The following PTBP3 variants were observed in gnomAD, a reference collection of about 807,000 sequenced individuals.
PTBP3 encodes the protein polypyrimidine tract binding protein 3, also known as polypyrimidine tract-binding protein 3.
A neutral mutation model predicts 58.7 loss-of-function variants in PTBP3; 20 were observed. The observed-to-expected ratio is 0.34, with a 90% CI of 0.24 to 0.50. The LOEUF (loss-of-function observed/expected upper bound fraction) is 0.50. Among genes scored for constraint, PTBP3 ranks in the 20% least tolerant of loss-of-function variants. PTBP3 has a pLI of 0.98. For missense variants in PTBP3, 509 were observed against 637.2 expected (o/e 0.80, Z 2.17); for synonymous variants, 185 against 219.8 (o/e 0.84, Z 1.40).
At chr9:112,347,341 C>CAT in the PTBP3 span, among the ~76,000 whole-genome samples, 2 of 130,902 alleles carry the variant, frequency 1.5e-5, no homozygotes, top group African/African-American at 6.0e-5. Flanking sequence ...ACTGGGATAC[C>CAT]TTTTTTTTTT....
the PTBP3 span, among the ~76,000 whole-genome samples, chr9:112,340,149 T>A: frequency 4.6e-5 from 7 of 152,020 alleles, no homozygotes; most frequent in Non-Finnish European, 8.8e-5. Context: ...TGCTGGTGTG[T>A]TCTTAGCAAC....
At chr9:112,254,807 T>C (rs916357450) in intron 5 of PTBP3, among the ~76,000 whole-genome samples, 1 of 152,190 alleles carries the variant, frequency 6.6e-6, no homozygotes, top group Non-Finnish European at 1.5e-5. Context: ...GGAAAAAGTA[T>C]GACCTTTCCT....
At chr9:112,313,451 T>A (rs571686935) in intron 1 of PTBP3, among the ~76,000 whole-genome samples, 1 of 152,242 alleles carries the variant, frequency 6.6e-6, no homozygotes, top group Non-Finnish European at 1.5e-5. Flanking sequence ...CATGCCTGGA[T>A]AACTAATTAC....
At chr9:112,312,312 G>A (rs1192598647) in intron 1 of PTBP3, among the ~76,000 whole-genome samples, 1 of 151,864 alleles carries the variant, frequency 6.6e-6, no homozygotes, top group Non-Finnish European at 1.5e-5. Context: ...GTGAGACCCT[G>A]TATCTACAAA....
intron 5 of PTBP3, 114 bp downstream of exon 5, chr9:112,262,317 ATTAT>A: frequency 8.1e-6 from 7 of 868,260 alleles, no homozygotes; most frequent in Non-Finnish European, 1.1e-5. Context: ...AGTTTTTTTC[ATTAT>A]TTAAACAAAT....
intron 7 of PTBP3, 118 bp downstream of exon 7, chr9:112,250,811 T>G (rs1589823234): frequency 9.7e-7 from 1 of 1,032,274 alleles, no homozygotes; most frequent in East Asian, 2.8e-5. Flanking sequence ...ATTCTTGCTT[T>G]CCTTTATAAA....
At chr9:112,283,398 A>G (rs1250080235) in intron 2 of PTBP3, among the ~76,000 whole-genome samples, 3 of 152,202 alleles carry the variant, frequency 2.0e-5, no homozygotes, top group African/African-American at 7.2e-5. Flanking sequence ...TCAGATAGAG[A>G]TAAGGAACTC....
the PTBP3 span, among the ~76,000 whole-genome samples, chr9:112,342,330 G>A: frequency 3.3e-5 from 5 of 152,100 alleles, no homozygotes; most frequent in East Asian, 1.9e-4. Context: ...ATGTCTCTGC[G>A]TGTGTGTGTA....
the PTBP3 span, among the ~76,000 whole-genome samples, chr9:112,375,818 G>T: frequency 6.6e-6 from 1 of 152,132 alleles, no homozygotes; most frequent in Non-Finnish European, 1.5e-5. Flanking sequence ...GTCACATGGT[G>T]ACTTAATGAC....
At chr9:112,270,910 T>C (rs1393848667) in intron 3 of PTBP3, among the ~76,000 whole-genome samples, 1 of 152,062 alleles carries the variant, frequency 6.6e-6, no homozygotes, top group Non-Finnish European at 1.5e-5. Context: ...CTCTGCCTCC[T>C]GGGTTCAAGC....
Position 112,232,257 on chromosome 9 carries a change from G to A in PTBP3, c.881-19C>T, listed in dbSNP as rs1234296277. 6.4e-7 allele frequency: 1 copy of A among 1,564,668 alleles called. No homozygotes were observed. The highest frequency in any genetic ancestry group is 8.7e-7 in the Non-Finnish European group (1 of 1,151,162). On this transcript the variant is annotated intron_variant, in intron 8 of 13. Transcript: ENST00000374257. ...GATAGACCTTTTAAAAATACCAAAAGCATTTCATATTCTAATTATTTGAAG... is the reference window on the plus strand; with the variant it reads ...GATAGACCTTTTAAAAATACCAAAAACATTTCATATTCTAATTATTTGAAG...
At chr9:112,298,662 A>T in intron 1 of PTBP3, 1 of 399,916 alleles carries the variant, frequency 2.5e-6, no homozygotes, top group Admixed American at 3.2e-5. Context: ...GTGTTTTGAT[A>T]CACTGGATAA....
the PTBP3 span, among the ~76,000 whole-genome samples, chr9:112,355,418 C>G: frequency 1.3e-5 from 2 of 152,084 alleles, no homozygotes; most frequent in African/African-American, 4.8e-5. Flanking sequence ...TTAGGTCCAG[C>G]TGCATACAAC....
At chr9:112,249,217 A>G (rs1345818628) in intron 7 of PTBP3, among the ~76,000 whole-genome samples, 2 of 152,142 alleles carry the variant, frequency 1.3e-5, no homozygotes, top group Non-Finnish European at 2.9e-5. Context: ...AGAGTGAACA[A>G]AAGTGATGAA....
At chr9:112,349,111 G>A in the PTBP3 span, among the ~76,000 whole-genome samples, 967 of 152,244 alleles carry the variant, frequency 6.4e-3, 9 homozygotes, top group African/African-American at 0.022. Context: ...TATGCTAATA[G>A]GGTGATTTAG....
the PTBP3 span, among the ~76,000 whole-genome samples, chr9:112,340,240 A>C: frequency 6.6e-6 from 1 of 152,170 alleles, no homozygotes; most frequent in Non-Finnish European, 1.5e-5. Flanking sequence ...TGCAAAGACA[A>C]TCTTCCTTTT....
chr9:112,296,810 A>G (rs540845142), intron 2 of PTBP3, among the ~76,000 whole-genome samples: 23 of 152,350 alleles, frequency 1.5e-4, no homozygotes, highest in Non-Finnish European at 2.9e-4. Flanking sequence ...ATTACCATTC[A>G]TCTACCCAAT....
chr9:112,363,413 G>A, the PTBP3 span, among the ~76,000 whole-genome samples: 1 of 151,702 alleles, frequency 6.6e-6, no homozygotes, highest in African/African-American at 2.4e-5. Flanking sequence ...CAGTTACTCG[G>A]GAGGCTGAAG....
chr9:112,379,811 G>A, the PTBP3 span: 103 of 454,822 alleles, frequency 2.3e-4, 2 homozygotes, highest in South Asian at 2.0e-3. Flanking sequence ...ACAGGGAAAA[G>A]GTGGACGTAG....
Sources: allele counts gnomAD v4.1 joint callset (sites outside exome capture counted in the v4.1 genomes callset), GRCh38; gene constraint gnomAD v4.1.1; transcripts MANE v1.5; gene names NCBI Gene and HGNC (gene_info 2026-07-23, HGNC 2026-07-21).